Variants in NCOR2 observed in about 807,000 individuals in gnomAD.
NCOR2 encodes the protein nuclear receptor corepressor 2, also known as CTG repeat protein 26.
A neutral mutation model predicts 262.9 loss-of-function variants in NCOR2; 81 were observed. The ratio of observed to expected loss-of-function variants is 0.31; its 90% confidence interval spans 0.26 to 0.37. The LOEUF (loss-of-function observed/expected upper bound fraction) is 0.37. NCOR2 is among the 10% of genes least tolerant of loss of function. The pLI is 1.00. For synonymous variants in NCOR2, 1,659 were observed against 1,559.3 expected (o/e 1.06, Z -1.51); for missense variants, 3,385 against 3,621.4 (o/e 0.93, Z 1.68).
intron 17 of NCOR2, among the ~76,000 whole-genome samples, chr12:124,381,981 G>A (rs1019246757): frequency 8.5e-5 from 13 of 152,286 alleles, no homozygotes; most frequent in African/African-American, 2.2e-4. Flanking sequence ...GGCCACACTC[G>A]GGCCAGACCT....
intron 22 of NCOR2, among the ~76,000 whole-genome samples, chr12:124,360,373 T>C (rs1444413629): frequency 1.3e-5 from 2 of 152,238 alleles, no homozygotes; most frequent in East Asian, 3.8e-4. Flanking sequence ...AAACTCCCGA[T>C]GCGCCCTTCC....
intron 17 of NCOR2, among the ~76,000 whole-genome samples, chr12:124,380,480 G>T (rs533179066): frequency 6.6e-6 from 1 of 152,192 alleles, no homozygotes; most frequent in Non-Finnish European, 1.5e-5. Context: ...CTGCAACCCC[G>T]CACACGTCCT....
At chr12:124,489,359 G>A (rs1315368071) in intron 1 of NCOR2, among the ~76,000 whole-genome samples, 2 of 152,220 alleles carry the variant, frequency 1.3e-5, no homozygotes, top group African/African-American at 4.8e-5. Context: ...AACCCTGTGA[G>A]GTGGGTATTA....
chr12:124,372,769 C>T (rs2039602866), intron 19 of NCOR2, among the ~76,000 whole-genome samples, 159 bp from the exon 22 acceptor site: 1 of 152,300 alleles, frequency 6.6e-6, no homozygotes, highest in South Asian at 2.1e-4. Flanking sequence ...AGCCCCACCC[C>T]TGAGACAAAG....
chr12:124,433,705 G>A (rs374189729), intron 8 of NCOR2, among the ~76,000 whole-genome samples: 10 of 152,230 alleles, frequency 6.6e-5, no homozygotes, highest in Middle Eastern at 3.4e-3. Flanking sequence ...GGTCTGCCTC[G>A]GACAGCGCAG....
chr12:124,327,329 TCAGAGGAGCG>T (rs1283348385), intron 45 of NCOR2, 70 bp downstream of exon 47: 1 of 1,139,382 alleles, frequency 8.8e-7, no homozygotes, highest in South Asian at 1.5e-5. Context: ...GAGGGGGTTG[TCAGAGGAGCG>T]CGGAGGAGCG....
chr12:124,518,839 G>A (rs926775482), intron 1 of NCOR2, among the ~76,000 whole-genome samples: 13 of 152,142 alleles, frequency 8.5e-5, no homozygotes, highest in East Asian at 1.9e-4. Context: ...GCTTCGAGCC[G>A]CACCTGCACC....
At chr12:124,472,344 A>G (rs559665126) in intron 4 of NCOR2, among the ~76,000 whole-genome samples, 3 of 152,274 alleles carry the variant, frequency 2.0e-5, no homozygotes, top group African/African-American at 7.2e-5. Context: ...TTTATTTTTA[A>G]TCTCGGGATC....
At chr12:124,542,792 C>T (rs1375216803) in intron 1 of NCOR2, 1 of 152,286 alleles carries the variant, frequency 6.6e-6, no homozygotes, top group Non-Finnish European at 1.5e-5. Context: ...GAACAAGGAG[C>T]CTCCCCTGTC....
chr12:124,325,981 C>T (rs540270305), intron 46 of NCOR2: 1 of 528,096 alleles, frequency 1.9e-6, no homozygotes, highest in South Asian at 4.2e-5. Flanking sequence ...CCAACCACAC[C>T]CTTTTCCTCT....
intron 11 of NCOR2, among the ~76,000 whole-genome samples, chr12:124,422,951 G>C (rs2136307636): frequency 6.6e-6 from 1 of 152,302 alleles, no homozygotes; most frequent in African/African-American, 2.4e-5. Flanking sequence ...CACAGGGTCT[G>C]CTTGGGAACA....
At chr12:124,395,353 C>A (rs1398339672) in intron 16 of NCOR2, among the ~76,000 whole-genome samples, 2 of 152,122 alleles carry the variant, frequency 1.3e-5, no homozygotes, top group African/African-American at 4.8e-5. Context: ...CTCCTGCCAT[C>A]GCCTGGAACA....
chr12:124,378,914 G>A lies in NCOR2; in HGVS notation c.2020-530C>T, dbSNP rs1240485528. ...GGGACACAAGGCACGGGGTAGACAAGGTCCTGCCCTTGGAGGCTGCCCTGC... is the reference window on the plus strand; with the variant it reads ...GGGACACAAGGCACGGGGTAGACAAAGTCCTGCCCTTGGAGGCTGCCCTGC... On this transcript the variant is annotated intron_variant, in intron 17 of 46. Coordinates refer to ENST00000405201, the Ensembl canonical transcript of NCOR2. This position sits in a 1 kb window ranked among gnomAD's most constrained non-coding sequence, Gnocchi z 4.2. Among the ~76,000 whole-genome samples the A allele has an allele frequency of 1.1e-5, 1 of 87,798 alleles. No homozygotes were observed. Among genetic ancestry groups the A allele is most frequent in the Non-Finnish European group, 3.0e-5 (1 of 33,870 alleles). 57.6% of individuals were successfully genotyped at this position (87,798 alleles called of 152,430 possible).
At position 124,389,364 on chromosome 12, in the gene NCOR2, G is replaced by A. The variant is rs2041095565; in HGVS notation, c.1877-3477C>T. Among the ~76,000 whole-genome samples the A allele has an allele frequency of 1.3e-5, 2 of 152,306 alleles. No individual in the cohort carries two copies. The highest frequency in any genetic ancestry group is 4.1e-4 in the South Asian group (2 of 4,830). On this transcript the variant is annotated intron_variant, in intron 16 of 46. Coordinates refer to ENST00000405201, the Ensembl canonical transcript of NCOR2. This position sits in a 1 kb window ranked among gnomAD's most constrained non-coding sequence, Gnocchi z 4.4. ...ACGGAGGCTCGCGGCGGGCGGGCAG[G>A]CGGGCGGGGGAGCGTGGCAGAGGCC...
chr12:124,402,458 G>A (rs376669119), exon 14 of NCOR2: 13 of 1,612,782 alleles, frequency 8.1e-6, no homozygotes, highest in East Asian at 4.5e-5. Context: ...CTCCTTCTCC[G>A]CCTCCTTTTC....
At chr12:124,519,428 G>C (rs1033960355) in intron 1 of NCOR2, among the ~76,000 whole-genome samples, 4 of 152,208 alleles carry the variant, frequency 2.6e-5, no homozygotes, top group African/African-American at 7.2e-5. Context: ...CCCACATGAT[G>C]ACAAGGGTCT....
chr12:124,355,095 G>T, intron 24 of NCOR2, 156 bp from the exon 27 acceptor site: 2 of 664,340 alleles, frequency 3.0e-6, no homozygotes, highest in Non-Finnish European at 5.1e-6. Flanking sequence ...CTACTCCCAA[G>T]CCTCGGCCCC....
chr12:124,481,532 T>C lies in NCOR2; in HGVS notation c.411+2064A>G, dbSNP rs1565983514. On this transcript the variant is annotated intron_variant, in intron 3 of 46. Transcript: ENST00000405201. The surrounding 1 kb of genome is among the most constrained non-coding windows in gnomAD (Gnocchi z 4.6). ...GCTGGAAGGAGCGAGGAAAGAGGAA[T>C]GTGCCTGGGGGAGGGCGCTCCTGCG... Among the ~76,000 whole-genome samples, 2 of 152,030 alleles carry C rather than the reference T, an allele frequency of 1.3e-5. No homozygotes were observed. The highest frequency in any genetic ancestry group is 2.9e-5 in the Non-Finnish European group (2 of 67,974).
rs190772242 is a variant in NCOR2 at position 124,343,276 on chromosome 12, G to A, written c.4715-50C>T. On this transcript the variant is annotated intron_variant, in intron 32 of 46. Coordinates refer to ENST00000405201, the Ensembl canonical transcript of NCOR2. ...TCGGGCCTCTGGGGCTGGCATTTAC[G>A]GGGAGTTGTTTGAGGATAGGGACCT... 3.2e-3 allele frequency: 4,991 copies of A among 1,536,620 alleles called. 15 individuals are homozygous for A. Among genetic ancestry groups the A allele is most frequent in the Non-Finnish European group, 3.8e-3 (4,238 of 1,129,640 alleles).
Sources: gnomAD v4.1 joint callset for allele counts (sites outside exome capture counted in the v4.1 genomes callset) on GRCh38, gnomAD v4.1.1 for gene constraint, Gnocchi (gnomAD v3.1) non-coding constraint, MANE v1.5 for transcripts, NCBI Gene and HGNC (gene_info 2026-07-23, HGNC 2026-07-21) for gene names.